ANKFN1: variants seen among roughly 807,000 people sequenced by gnomAD.
The protein encoded by ANKFN1 is ankyrin repeat and fibronectin type III domain containing 1.
In ANKFN1, 74 loss-of-function variants were observed where a neutral mutation model predicts 108.7. The observed-to-expected ratio is 0.68, with a 90% CI of 0.56 to 0.83. The LOEUF (loss-of-function observed/expected upper bound fraction) is 0.83. Ranked by LOEUF, ANKFN1 falls within the 40% of genes least tolerant of loss-of-function variation. ANKFN1 has a pLI of 0.00. For synonymous variants in ANKFN1, 547 were observed against 516.2 expected (o/e 1.06, Z -0.81); for missense variants, 1,505 against 1,382.3 (o/e 1.09, Z -1.41).
At chr17:56,486,048 A>C (rs1288377217) in intron 18 of ANKFN1, among the ~76,000 whole-genome samples, 1 of 152,248 alleles carries the variant, frequency 6.6e-6, no homozygotes, top group African/African-American at 2.4e-5. Flanking sequence ...AGGCAAATTC[A>C]ACTGTGCCTG....
chr17:56,337,926 C>T (rs2045858913), intron 4 of ANKFN1, among the ~76,000 whole-genome samples: 3 of 152,140 alleles, frequency 2.0e-5, no homozygotes, highest in Non-Finnish European at 4.4e-5. Context: ...ACTAGAAATA[C>T]CATTTGACCC....
In ANKFN1 at chr17:56,432,184, CT is replaced by C. The variant is rs916553370; in HGVS notation, c.911-8137del. 3.5e-4 allele frequency among the ~76,000 whole-genome samples: 53 copies of C among 152,228 alleles called. 1 individual carries two copies. The highest frequency in any genetic ancestry group is 3.0e-3 in the Admixed American group (46 of 15,294). On this transcript the variant is annotated intron_variant, in intron 8 of 20. Coordinates refer to ENST00000682825, the MANE Select transcript of ANKFN1 (RefSeq NM_001370326.1). ...CATTACAGTTTTTTAAAAGCTCATA[CT>C]TTTTTCATGAACAAAAATTATCAGG...
chr17:56,511,348 T>C lies in ANKFN1; in HGVS notation c.*79T>C. 1.5e-6 allele frequency: 2 copies of C among 1,303,298 alleles called. No individual in the cohort carries two copies. The highest frequency in any genetic ancestry group is 2.0e-6 in the Non-Finnish European group (2 of 976,914). The allele number at this position is 1,303,298 out of a possible 1,614,324, so 80.7% of individuals were successfully genotyped here. A position where few individuals can be genotyped will look rare whatever the true frequency, so the allele number is the denominator to read the frequency against. On this transcript the variant is annotated 3_prime_UTR_variant, in exon 21 of 21. Coordinates refer to ENST00000682825, the MANE Select transcript of ANKFN1 (RefSeq NM_001370326.1). ...CACCCTTACCCCCATCCTGCCCCAC[T>C]GTGTACCCACTCATTTTCAAGCGTT...
At chr17:56,221,804 G>C (rs1013930163) in intron 2 of ANKFN1, among the ~76,000 whole-genome samples, 1 of 152,138 alleles carries the variant, frequency 6.6e-6, no homozygotes, top group African/African-American at 2.4e-5. Flanking sequence ...TGGAAGTGGT[G>C]GTCAGATTCA....
chr17:56,415,489 C>A (rs2048216910), intron 8 of ANKFN1, among the ~76,000 whole-genome samples: 1 of 152,012 alleles, frequency 6.6e-6, no homozygotes, highest in South Asian at 2.1e-4. Flanking sequence ...AAATGAAATA[C>A]CTATGGATTA....
At chr17:56,130,188 C>T (rs772963263) in intron 4 of ANKFN1, among the ~76,000 whole-genome samples, 7 of 152,204 alleles carry the variant, frequency 4.6e-5, no homozygotes, top group Admixed American at 2.0e-4. Flanking sequence ...AGCAGCAATG[C>T]TCGCATTCAT....
chr17:56,092,796 A>G (rs1269382940), intron 4 of ANKFN1, among the ~76,000 whole-genome samples: 1 of 150,764 alleles, frequency 6.6e-6, no homozygotes, highest in Non-Finnish European at 1.5e-5. Flanking sequence ...TTCAGTTTCA[A>G]GTGGTCGTAG....
intron 3 of ANKFN1, among the ~76,000 whole-genome samples, chr17:56,277,587 T>C (rs1371961260): frequency 1.3e-5 from 2 of 152,048 alleles, no homozygotes; most frequent in African/African-American, 4.8e-5. Context: ...GAGGATGTCA[T>C]TAAAGATTAA....
intron 4 of ANKFN1, among the ~76,000 whole-genome samples, chr17:56,097,173 C>T (rs576012914): frequency 6.6e-6 from 1 of 152,202 alleles, no homozygotes; most frequent in African/African-American, 2.4e-5. Flanking sequence ...AATCTGCACA[C>T]CAAACTCCTA....
chr17:56,356,232 C>A (rs2046374200), intron 6 of ANKFN1, among the ~76,000 whole-genome samples: 2 of 152,080 alleles, frequency 1.3e-5, no homozygotes, highest in African/African-American at 2.4e-5. Context: ...CTCCTTTAAT[C>A]CTCACAGCAA....
chr17:56,114,319 G>C (rs1471836056), intron 4 of ANKFN1, among the ~76,000 whole-genome samples: 1 of 152,142 alleles, frequency 6.6e-6, no homozygotes, highest in Non-Finnish European at 1.5e-5. Context: ...ACAAAGTGAA[G>C]ACCAGGTAAT....
chr17:56,318,235 G>A (rs1414264365), intron 3 of ANKFN1, among the ~76,000 whole-genome samples: 2 of 151,918 alleles, frequency 1.3e-5, no homozygotes, highest in South Asian at 2.1e-4. Flanking sequence ...ATAATTAATG[G>A]TTCTGGGGGG....
chr17:56,318,784 TA>T (rs1219181394), intron 3 of ANKFN1, among the ~76,000 whole-genome samples: 2 of 152,192 alleles, frequency 1.3e-5, no homozygotes, highest in African/African-American at 4.8e-5. Context: ...AGTTCTGAGT[TA>T]GGACTACTCA....
Position 56,513,060 on chromosome 17 carries a change from G to A in ANKFN1, c.*1791G>A, listed in dbSNP as rs1029916868. Among the ~76,000 whole-genome samples, 4 of 152,214 alleles carry A rather than the reference G, an allele frequency of 2.6e-5. No homozygotes were observed. The highest frequency in any genetic ancestry group is 9.7e-5 in the African/African-American group (4 of 41,450). On this transcript the variant is annotated 3_prime_UTR_variant, in exon 21 of 21. Coordinates refer to ENST00000682825, the MANE Select transcript of ANKFN1 (RefSeq NM_001370326.1). ...AAAATTTATCTAAGTCCGTGGGTTT[G>A]CAGGTAGGGCAATTAAGACCCAGAG...
At chr17:56,386,425 A>C (rs1038625195) in intron 8 of ANKFN1, among the ~76,000 whole-genome samples, 12 of 152,166 alleles carry the variant, frequency 7.9e-5, no homozygotes, top group Middle Eastern at 3.4e-3. Flanking sequence ...TACATATGTA[A>C]CTAACCTGCA....
intron 18 of ANKFN1, among the ~76,000 whole-genome samples, chr17:56,488,899 A>G (rs2050939794): frequency 6.6e-6 from 1 of 152,246 alleles, no homozygotes; most frequent in African/African-American, 2.4e-5. Flanking sequence ...GGTAGTAAAA[A>G]GGTGTGGCAG....
chr17:56,337,333 A>G (rs2045839509), intron 4 of ANKFN1, among the ~76,000 whole-genome samples: 1 of 152,126 alleles, frequency 6.6e-6, no homozygotes, highest in Admixed American at 6.6e-5. Flanking sequence ...AAAGTCTCCC[A>G]TCATTATTGT....
At chr17:56,304,293 A>G (rs1299699847) in intron 3 of ANKFN1, among the ~76,000 whole-genome samples, 3 of 152,204 alleles carry the variant, frequency 2.0e-5, no homozygotes, top group Non-Finnish European at 2.9e-5. Context: ...CACTCAGGAT[A>G]ACTCATCAGG....
chr17:56,421,485 G>A (rs750029595), intron 8 of ANKFN1, among the ~76,000 whole-genome samples: 1 of 152,152 alleles, frequency 6.6e-6, no homozygotes, highest in Non-Finnish European at 1.5e-5. Context: ...AATGGCACTA[G>A]GCTCTAAACG....
Sources: gnomAD v4.1 joint callset for allele counts (sites outside exome capture counted in the v4.1 genomes callset) on GRCh38, gnomAD v4.1.1 for gene constraint, MANE v1.5 for transcripts, NCBI Gene and HGNC (gene_info 2026-07-23, HGNC 2026-07-21) for gene names.